The following FGGY variants were observed in gnomAD, a reference collection of about 807,000 sequenced individuals.
FGGY encodes FGGY carbohydrate kinase domain containing, also known as FGGY carbohydrate kinase domain-containing protein.
A neutral mutation model predicts 71.3 loss-of-function variants in FGGY; 72 were observed. That is an observed-to-expected ratio of 1.01 (90% confidence interval 0.84 to 1.23). The LOEUF is 1.23. Ranked by LOEUF, FGGY falls within the 50% of genes most tolerant of loss-of-function variation. FGGY has a pLI of 0.00. For missense variants in FGGY, 668 were observed against 682.3 expected (o/e 0.98, Z 0.23); for synonymous variants, 251 against 250.3 (o/e 1.00, Z -0.02).
Position 59,554,162 on chromosome 1 carries a change from T to A in FGGY, c.838T>A (p.Cys280Ser), listed in dbSNP as rs375280846. 5.0e-6 allele frequency: 8 copies of A among 1,613,424 alleles called. No individual in the cohort carries two copies. Among genetic ancestry groups the A allele is most frequent in the African/African-American group, 1.3e-5 (1 of 74,930 alleles). The change falls in exon 8 of 16, where the codon TGT becomes AGT. Residue 280 changes from cysteine to serine, a missense_variant. This residue lies in a region of FGGY where 661 missense variants were observed against 661.6 expected (regional missense o/e 1.00). Transcript: ENST00000303721. ...AGATGTGAGAGGGCACGGCCTCATC[T>A]GTGAGGGGCAGCCAGTGACGTCACG... ...GADVRGHGLI[C>S]EGQPVTSRLA...
intron 14 of FGGY, chr1:59,697,688 T>C (rs185647083): frequency 1.5e-6 from 2 of 1,303,788 alleles, no homozygotes; most frequent in African/African-American, 1.5e-5. Context: ...ATAGCAGCAA[T>C]GGGAAGCAGT....
Position 59,349,841 on chromosome 1 carries a change from C to T in FGGY, c.465+3443C>T, listed in dbSNP as rs528089027. Among the ~76,000 whole-genome samples the T allele has an allele frequency of 6.0e-4, 91 of 152,218 alleles. 1 individual carries two copies. The highest frequency in any genetic ancestry group is 2.1e-3 in the African/African-American group (86 of 41,554). Reference sequence around the variant, plus strand: ...AGACTTCAATGTGTAAATGAATCACCTGGAGATCTTAGGTTCTGATTCAGT... The same window carrying T: ...AGACTTCAATGTGTAAATGAATCACTTGGAGATCTTAGGTTCTGATTCAGT... On this transcript the variant is annotated intron_variant, in intron 4 of 15. Transcript: ENST00000303721.
chr1:59,315,279 T>C (rs2045221845), intron 1 of FGGY, among the ~76,000 whole-genome samples: 1 of 152,266 alleles, frequency 6.6e-6, no homozygotes, highest in African/African-American at 2.4e-5. Flanking sequence ...TGCTTTTTTT[T>C]TTCCTTCTCC....
At chr1:59,705,199 A>G (rs1435962732) in intron 14 of FGGY, among the ~76,000 whole-genome samples, 2 of 152,214 alleles carry the variant, frequency 1.3e-5, no homozygotes, top group African/African-American at 4.8e-5. Context: ...TTCTTATAGT[A>G]TGTCCCTTCT....
intron 5 of FGGY, among the ~76,000 whole-genome samples, chr1:59,422,405 C>T (rs2065598820): frequency 6.6e-6 from 1 of 152,096 alleles, no homozygotes; most frequent in Non-Finnish European, 1.5e-5. Flanking sequence ...GTTATTTTGA[C>T]TTGCTGGGCT....
intron 5 of FGGY, among the ~76,000 whole-genome samples, chr1:59,404,867 AC>A (rs2062504866): frequency 6.6e-6 from 1 of 152,132 alleles, no homozygotes. Context: ...GGTGTTCAGG[AC>A]AGGTCTTCTC....
intron 8 of FGGY, among the ~76,000 whole-genome samples, chr1:59,579,323 C>T (rs909103321): frequency 1.3e-5 from 2 of 152,128 alleles, no homozygotes; most frequent in Non-Finnish European, 1.5e-5. Flanking sequence ...TCAGTGACCT[C>T]ATTAAGACTC....
intron 7 of FGGY, among the ~76,000 whole-genome samples, chr1:59,538,694 A>G (rs1399027218): frequency 6.6e-6 from 1 of 152,092 alleles, no homozygotes; most frequent in Admixed American, 6.6e-5. Context: ...GTCCTTTGTT[A>G]GGGACATGGA....
chr1:59,386,640 A>G (rs2060107080), intron 5 of FGGY, among the ~76,000 whole-genome samples: 2 of 151,868 alleles, frequency 1.3e-5, no homozygotes, highest in South Asian at 4.2e-4. Context: ...TTGAGACTGT[A>G]GTATCTACAT....
At chr1:59,402,383 C>T (rs2062086954) in intron 5 of FGGY, among the ~76,000 whole-genome samples, 1 of 152,082 alleles carries the variant, frequency 6.6e-6, no homozygotes, top group Admixed American at 6.5e-5. Context: ...GATGTAGGAC[C>T]AAGAGTGGGC....
At chr1:59,504,436 TG>T (rs1444083217) in intron 6 of FGGY, among the ~76,000 whole-genome samples, 1 of 152,202 alleles carries the variant, frequency 6.6e-6, no homozygotes, top group Non-Finnish European at 1.5e-5. Flanking sequence ...TCTTGGGGAC[TG>T]AGCCTTCAAT....
intron 8 of FGGY, among the ~76,000 whole-genome samples, chr1:59,593,933 C>T (rs1334671704): frequency 6.6e-6 from 1 of 152,216 alleles, no homozygotes; most frequent in Non-Finnish European, 1.5e-5. Flanking sequence ...CCATATTAGG[C>T]AGCTACTCTG....
chr1:59,431,635 G>T (rs190194515), intron 5 of FGGY, among the ~76,000 whole-genome samples: 1 of 152,202 alleles, frequency 6.6e-6, no homozygotes, highest in East Asian at 1.9e-4. Context: ...CTTTCTGCAT[G>T]ATCCAAAGTG....
chr1:59,614,009 T>A (rs890627166), intron 9 of FGGY, among the ~76,000 whole-genome samples: 2 of 151,760 alleles, frequency 1.3e-5, no homozygotes, highest in Admixed American at 6.6e-5. Context: ...ATAATTAATA[T>A]CTTACCAACC....
chr1:59,616,824 C>T (rs2153830680), intron 9 of FGGY, among the ~76,000 whole-genome samples: 1 of 151,968 alleles, frequency 6.6e-6, no homozygotes, highest in East Asian at 1.9e-4. Context: ...CATGTATTAT[C>T]TAATTAATAT....
intron 5 of FGGY, among the ~76,000 whole-genome samples, chr1:59,384,886 C>CA (rs925216713): frequency 6.6e-6 from 1 of 151,916 alleles, no homozygotes; most frequent in Non-Finnish European, 1.5e-5. Context: ...ATGCCAATTC[C>CA]AAAAAAACTT....
chr1:59,535,009 A>G (rs1452729513), intron 7 of FGGY, among the ~76,000 whole-genome samples: 1 of 151,740 alleles, frequency 6.6e-6, no homozygotes, highest in Non-Finnish European at 1.5e-5. Flanking sequence ...AATGGACTAA[A>G]TGCTCCAATT....
intron 7 of FGGY, among the ~76,000 whole-genome samples, chr1:59,525,871 A>C (rs781378791): frequency 6.6e-6 from 1 of 151,834 alleles, no homozygotes; most frequent in Non-Finnish European, 1.5e-5. Flanking sequence ...GCATATTTAT[A>C]AGTGTCTTCA....
chr1:59,692,772 A>C (rs553628340), intron 14 of FGGY, among the ~76,000 whole-genome samples: 1 of 152,198 alleles, frequency 6.6e-6, no homozygotes, highest in East Asian at 1.9e-4. Flanking sequence ...AGTCTAATTG[A>C]TGGCAGATGT....
Sources: allele counts gnomAD v4.1 joint callset (sites outside exome capture counted in the v4.1 genomes callset), GRCh38; gene constraint gnomAD v4.1.1; regional missense constraint gnomAD v4.1.1; transcripts MANE v1.5; gene names NCBI Gene and HGNC (gene_info 2026-07-23, HGNC 2026-07-21).